The following CNTNAP2 variants were observed in gnomAD, a reference collection of about 807,000 sequenced individuals.
The protein encoded by CNTNAP2 is contactin associated protein 2, also known as contactin-associated protein-like 2.
In CNTNAP2, 98 loss-of-function variants were observed where a neutral mutation model predicts 155.2. That is an observed-to-expected ratio of 0.63 (90% confidence interval 0.54 to 0.75). The LOEUF is 0.75. Ranked by LOEUF, CNTNAP2 falls within the 30% of genes least tolerant of loss-of-function variation. The pLI is 0.00. For synonymous variants in CNTNAP2, 651 were observed against 631.2 expected, an observed-to-expected ratio of 1.03 and a Z score of -0.47; for missense variants, 1,727 against 1,688.1, an observed-to-expected ratio of 1.02 and a Z score of -0.40.
At chr7:148,133,966 T>A (rs1804885579) in intron 16 of CNTNAP2, 2 of 151,820 alleles carry the variant, frequency 1.3e-5, no homozygotes, top group African/African-American at 4.8e-5. Flanking sequence ...CAAATGCAGG[T>A]GGGGGAGGAA....
At chr7:148,126,912 C>G (rs930513833) in intron 16 of CNTNAP2, among the ~76,000 whole-genome samples, 5 of 152,136 alleles carry the variant, frequency 3.3e-5, no homozygotes, top group Non-Finnish European at 5.9e-5. Context: ...AAGTTAGGGT[C>G]CCCTTAGGGT....
chr7:147,439,996 T>C (rs1465504311), intron 10 of CNTNAP2, among the ~76,000 whole-genome samples: 2 of 151,968 alleles, frequency 1.3e-5, no homozygotes, highest in African/African-American at 4.8e-5. Context: ...CAACAGATCA[T>C]TGGGTCCTCT....
intron 13 of CNTNAP2, among the ~76,000 whole-genome samples, chr7:147,867,980 T>C (rs565037950): frequency 6.6e-6 from 1 of 152,234 alleles, no homozygotes; most frequent in African/African-American, 2.4e-5. Flanking sequence ...CTGTCCAGCT[T>C]TGTTCTGTTG....
chr7:147,771,141 G>A (rs1432178564), intron 13 of CNTNAP2, among the ~76,000 whole-genome samples: 2 of 152,020 alleles, frequency 1.3e-5, no homozygotes, highest in Non-Finnish European at 2.9e-5. Flanking sequence ...GAGATGAATC[G>A]GTGTACATTT....
chr7:146,459,312 C>T (rs780112113), intron 1 of CNTNAP2, among the ~76,000 whole-genome samples: 62 of 151,606 alleles, frequency 4.1e-4, no homozygotes, highest in Non-Finnish European at 6.0e-4. Context: ...TTTAAGAATA[C>T]GAATTTCCAC....
At chr7:147,313,624 C>G (rs1186371645) in intron 9 of CNTNAP2, among the ~76,000 whole-genome samples, 1 of 151,396 alleles carries the variant, frequency 6.6e-6, no homozygotes. Flanking sequence ...TGATCTATAT[C>G]TCTGTTTTGG....
intron 13 of CNTNAP2, among the ~76,000 whole-genome samples, chr7:147,647,541 A>T (rs757880594): frequency 2.2e-4 from 34 of 152,020 alleles, no homozygotes; most frequent in Non-Finnish European, 3.4e-4. Flanking sequence ...AACCTCTATC[A>T]CTTAGCAGTT....
rs182264026 is a variant in CNTNAP2 at position 146,654,267 on chromosome 7, C to T, written c.98-120004C>T. Among the ~76,000 whole-genome samples the T allele has an allele frequency of 6.6e-5, 10 of 151,926 alleles. No homozygotes were observed. The East Asian group carries it at 1.9e-3, about 30-fold the overall frequency. On this transcript the variant is annotated intron_variant, in intron 1 of 23. Transcript: ENST00000361727. ...AAAGATTTACTGTCAGGGAGCTGGG[C>T]CAGTCTCAGCAGGACAGCGGCTCCA...
chr7:146,680,172 C>T (rs1327989895), intron 1 of CNTNAP2, among the ~76,000 whole-genome samples: 1 of 152,042 alleles, frequency 6.6e-6, no homozygotes, highest in African/African-American at 2.4e-5. Context: ...ACTTAAGGCT[C>T]AATGAATTAG....
intron 8 of CNTNAP2, among the ~76,000 whole-genome samples, chr7:147,271,872 T>C (rs1296900566): frequency 6.6e-6 from 1 of 152,148 alleles, no homozygotes; most frequent in Non-Finnish European, 1.5e-5. Context: ...TCTTCAAATC[T>C]CTAGTAATTT....
intron 1 of CNTNAP2, among the ~76,000 whole-genome samples, chr7:146,738,109 T>C (rs377306504): frequency 1.3e-5 from 2 of 152,206 alleles, no homozygotes; most frequent in East Asian, 3.9e-4. Context: ...TTTTTCACAA[T>C]TGTACTAATT....
intron 1 of CNTNAP2, among the ~76,000 whole-genome samples, chr7:146,567,042 T>C (rs949128077): frequency 6.6e-6 from 1 of 152,212 alleles, no homozygotes; most frequent in African/African-American, 2.4e-5. Context: ...TATTTCCTGG[T>C]TTAAGTGATG....
rs187118813 is a variant in CNTNAP2 at position 147,836,873 on chromosome 7, G to A, written c.2099-66692G>A. 3.9e-3 allele frequency among the ~76,000 whole-genome samples: 588 copies of A among 152,248 alleles called. 2 individuals are homozygous for A. Among genetic ancestry groups the A allele is most frequent in the Non-Finnish European group, 6.8e-3 (461 of 68,010 alleles). On this transcript the variant is annotated intron_variant, in intron 13 of 23. Coordinates refer to ENST00000361727, the MANE Select transcript of CNTNAP2 (RefSeq NM_014141.6). ...GAAATTGTAGAAAAATCTGTACATA[G>A]TCATAATTTGAAAATTAACTTATTT... is the stretch of plus-strand genomic sequence containing the variant.
intron 1 of CNTNAP2, among the ~76,000 whole-genome samples, chr7:146,236,112 C>A (rs1374822497): frequency 2.6e-5 from 4 of 152,094 alleles, no homozygotes; most frequent in Non-Finnish European, 5.9e-5. Context: ...GGGTGCCTAA[C>A]ACCACCCACT....
chr7:147,799,752 C>T (rs929374858), intron 13 of CNTNAP2, among the ~76,000 whole-genome samples: 3 of 152,116 alleles, frequency 2.0e-5, no homozygotes, highest in Admixed American at 6.5e-5. Flanking sequence ...TATGGGTAAA[C>T]CTCTATGGTT....
At chr7:147,182,282 A>C (rs1584776857) in intron 8 of CNTNAP2, among the ~76,000 whole-genome samples, 1 of 152,140 alleles carries the variant, frequency 6.6e-6, no homozygotes, top group East Asian at 1.9e-4. Flanking sequence ...ATAAGAAAAT[A>C]ATCAATATTA....
chr7:147,354,410 T>C (rs932611019), intron 9 of CNTNAP2, among the ~76,000 whole-genome samples: 8 of 152,182 alleles, frequency 5.3e-5, no homozygotes, highest in African/African-American at 1.9e-4. Context: ...CCCCATTGCT[T>C]GTTTTTGTCA....
intron 1 of CNTNAP2, among the ~76,000 whole-genome samples, chr7:146,134,872 CT>C (rs1797773868): frequency 6.6e-6 from 1 of 151,494 alleles, no homozygotes; most frequent in African/African-American, 2.4e-5. Flanking sequence ...CTAAAATTCT[CT>C]TTTTTTGTTG....
At chr7:147,044,589 C>A (rs1799322908) in intron 4 of CNTNAP2, among the ~76,000 whole-genome samples, 1 of 152,098 alleles carries the variant, frequency 6.6e-6, no homozygotes, top group Non-Finnish European at 1.5e-5. Context: ...TTGATTTGGT[C>A]ATCTAAAGAG....
Sources: allele counts gnomAD v4.1 joint callset (sites outside exome capture counted in the v4.1 genomes callset), GRCh38; gene constraint gnomAD v4.1.1; transcripts MANE v1.5; gene names NCBI Gene and HGNC (gene_info 2026-07-23, HGNC 2026-07-21).